The following NR1D1 variants were observed in gnomAD, a reference collection of about 807,000 sequenced individuals.
NR1D1 encodes nuclear receptor subfamily 1 group D member 1.
In NR1D1, 17 loss-of-function variants were observed where a neutral mutation model predicts 51.1. That is an observed-to-expected ratio of 0.33 (90% CI 0.23 to 0.50). The LOEUF (loss-of-function observed/expected upper bound fraction) is 0.50, where lower values mean the gene tolerates loss of function less well. Among genes scored for constraint, NR1D1 ranks in the 20% least tolerant of loss-of-function variants. NR1D1 has a pLI of 0.98. For synonymous variants in NR1D1, 341 were observed against 333.4 expected (o/e 1.02, Z -0.25); for missense variants, 647 against 830.4 (o/e 0.78, Z 2.71).
At chr17:40,094,846 G>A (rs1168321254) in intron 6 of NR1D1, 89 bp downstream of exon 6, 3 of 1,240,664 alleles carry the variant, frequency 2.4e-6, no homozygotes, top group Non-Finnish European at 3.4e-6. Context: ...TGCAGTGAGT[G>A]GAGATCGCAC....
Position 40,092,851 on chromosome 17 carries a change from G to C in NR1D1, c.*232C>G, listed in dbSNP as rs1209094685. 2.1e-6 allele frequency: 2 copies of C among 941,828 alleles called. No homozygotes were observed. Among genetic ancestry groups the C allele is most frequent in the Non-Finnish European group, 3.1e-6 (2 of 646,930 alleles). The allele number at this position is 941,828 out of a possible 1,614,324, so 58.3% of individuals were successfully genotyped here. On this transcript the variant is annotated 3_prime_UTR_variant, in exon 8 of 8. Transcript: ENST00000246672. ...AGAACAAATCAGAGGGCCAGGGGAG[G>C]GTTGTGGGGGAGACAGAGTGGTTTA...
Position 40,095,926 on chromosome 17 carries a change from G to T in NR1D1, c.766C>A (p.Pro256Thr), listed in dbSNP as rs777419132. The change falls in exon 5 of 8, where the codon CCT becomes ACT. Residue 256 changes from proline to threonine, a missense_variant. By Grantham distance (38) the Pro-to-Thr change is conservative. Transcript: ENST00000246672. ...TPGPMGPSPP[P>T]APVPSPLVGF... Reference sequence around the variant, plus strand: ...ACCAGGGGTGAGGGGACCGGAGCAGGGGGTGGCGAGGGGCCCATGGGGCCT... The same window carrying T: ...ACCAGGGGTGAGGGGACCGGAGCAGTGGGTGGCGAGGGGCCCATGGGGCCT... The T allele has an allele frequency of 2.5e-6, 4 of 1,611,174 alleles. No homozygotes were observed. The African/African-American group carries it at 4.0e-5, about 16-fold the overall frequency.
In NR1D1 at chr17:40,097,073, T is replaced by C. The variant is rs756056674; in HGVS notation, c.362A>G (p.Asn121Ser). ...SRVSPSKSTSNITKLNGMVLL... is the reference protein window; with the variant it reads ...SRVSPSKSTSSITKLNGMVLL... ...GCTGGAAAGGTACTCACTGGTGATG[T>C]TGCTGGTGCTCTTGCTGGGGGACAC... The change falls in exon 2 of 8, where the codon AAC becomes AGC. Residue 121 changes from asparagine to serine, a missense_variant. Physicochemically the swap from Asn to Ser is conservative, Grantham distance 46. Transcript: ENST00000246672. 15 of 1,596,642 alleles carry C rather than the reference T, an allele frequency of 9.4e-6. No individual in the cohort carries two copies. The Admixed American group carries it at 2.4e-4, about 26-fold the overall frequency.
rs1451781574 is a variant in NR1D1, at chr17:40,094,110, G to A, written c.1447C>T (p.Arg483Cys). The A allele has an allele frequency of 5.6e-6, 9 of 1,613,780 alleles. No homozygotes were observed. Among genetic ancestry groups the A allele is most frequent in the Non-Finnish European group, 6.8e-6 (8 of 1,180,014 alleles). The change falls in exon 7 of 8, where the codon CGC becomes TGC. Residue 483 changes from arginine (R) to cysteine (C), a missense_variant. Arg to Cys is a radical substitution (Grantham distance 180, BLOSUM62 -3). Transcript: ENST00000246672. ...KAGTFEVLMV[R>C]FASLFNVKDQ... Reference sequence around the variant, plus strand: ...TTCACGTTGAACAACGAAGCAAAGCGCACCATCAGCACCTAGGAGGGAAGG... The same window carrying A: ...TTCACGTTGAACAACGAAGCAAAGCACACCATCAGCACCTAGGAGGGAAGG...
chr17:40,093,385 C>A lies in NR1D1; in HGVS notation c.1646-103G>T, dbSNP rs1453462764. On this transcript the variant is annotated intron_variant, in intron 7 of 7. Coordinates refer to ENST00000246672, the MANE Select transcript of NR1D1 (RefSeq NM_021724.5). This position sits in a 1 kb window ranked among gnomAD's most constrained non-coding sequence, Gnocchi z 5.9. ...CAGGCAATGCAGCCTCTCCCTGAAG[C>A]CCCCCAGAAGGCCGATGGGGAAGGA... The A allele has an allele frequency of 6.2e-7, 1 of 1,608,520 alleles. No homozygotes were observed.
intron 4 of NR1D1, 94 bp from the exon 5 acceptor site, chr17:40,096,181 C>T: frequency 6.6e-7 from 1 of 1,507,012 alleles, no homozygotes; most frequent in South Asian, 1.3e-5. Flanking sequence ...GCCCTGAAGG[C>T]TTGGGGTTTC....
chr17:40,098,582 G>A (rs1417792050), intron 1 of NR1D1, among the ~76,000 whole-genome samples: 1 of 152,172 alleles, frequency 6.6e-6, no homozygotes, highest in Non-Finnish European at 1.5e-5. Context: ...GTGGAAGTGA[G>A]GAGCATACTC....
At position 40,095,608 on chromosome 17, in the gene NR1D1, G is replaced by C. The variant is rs143622936; in HGVS notation, c.1084C>G (p.Pro362Ala). 1.7e-5 allele frequency: 28 copies of C among 1,611,744 alleles called. No homozygotes were observed. The East Asian group carries it at 2.2e-4, about 13-fold the overall frequency. ...NEALNGLRQA[P>A]SSYPPTWPPG... ...GGCCAGGTGGGAGGGTAGGAGGAGG[G>C]AGCCTGGCGCAGACCATTTAGGGCC... Residue 362 changes from proline to alanine, a missense_variant, in exon 5 of 8, where the codon CCC becomes GCC. By Grantham distance (27) the Pro-to-Ala change is conservative. This residue lies in a region of NR1D1 where 185 missense variants were observed against 176.3 expected (regional missense o/e 1.05). Transcript: ENST00000246672.
At chr17:40,097,032 C>G in intron 2 of NR1D1, 33 bp downstream of exon 2, 2 of 1,553,834 alleles carry the variant, frequency 1.3e-6, no homozygotes. Flanking sequence ...TGGCCTGCTT[C>G]CCTTCCCCCG....
At chr17:40,096,172 C>T (rs1987759080) in intron 4 of NR1D1, 85 bp from the exon 5 acceptor site, 1 of 1,529,996 alleles carries the variant, frequency 6.5e-7, no homozygotes, top group Non-Finnish European at 8.8e-7. Context: ...AAGGGCAAGG[C>T]CCTGAAGGCT....
chr17:40,100,021 A>T, intron 1 of NR1D1, 43 bp downstream of exon 1: 1 of 1,436,376 alleles, frequency 7.0e-7, no homozygotes, highest in African/African-American at 1.4e-5. Flanking sequence ...GGAGGTGGGG[A>T]GACAGTGACA....
rs1016193828 is a variant in NR1D1 at position 40,093,810 on chromosome 17, T to C, written c.1645+102A>G. 2.0e-6 allele frequency: 2 copies of C among 1,014,208 alleles called. No individual in the cohort carries two copies. The highest frequency in any genetic ancestry group is 3.0e-6 in the Non-Finnish European group (2 of 670,198). The allele number at this position is 1,014,208 out of a possible 1,614,324, so 62.8% of individuals were successfully genotyped here. A position where few individuals can be genotyped will look rare whatever the true frequency, so the allele number is the denominator to read the frequency against. ...GTCTGAATCATGTCTGTATCCCCAGTGCCCGGTGCAGGGCCTGGCATAGAG... is the reference window on the plus strand; with the variant it reads ...GTCTGAATCATGTCTGTATCCCCAGCGCCCGGTGCAGGGCCTGGCATAGAG... On this transcript the variant is annotated intron_variant, in intron 7 of 7. Coordinates refer to ENST00000246672, the MANE Select transcript of NR1D1 (RefSeq NM_021724.5). The surrounding 1 kb of genome is among the most constrained non-coding windows in gnomAD (Gnocchi z 5.9).
At position 40,100,396 on chromosome 17, in the gene NR1D1, T is replaced by G. The variant is rs200723167; in HGVS notation, c.-302A>C. ...AGCAAGGAGGGTCGGGTCTCTGCAGTGTACGGGGTGCCTCTGCCTGCCGGC... is the reference window on the plus strand; with the variant it reads ...AGCAAGGAGGGTCGGGTCTCTGCAGGGTACGGGGTGCCTCTGCCTGCCGGC... On this transcript the variant is annotated 5_prime_UTR_variant, in exon 1 of 8. Coordinates refer to ENST00000246672, the MANE Select transcript of NR1D1 (RefSeq NM_021724.5). 7.1e-5 allele frequency: 34 copies of G among 481,982 alleles called. No individual in the cohort carries two copies. Among genetic ancestry groups the G allele is most frequent in the Non-Finnish European group, 1.3e-4 (34 of 271,688 alleles). 29.9% of individuals were successfully genotyped at this position (481,982 alleles called of 1,614,324 possible).
At chr17:40,095,345 A>G (rs1987730668) in intron 5 of NR1D1, 99 bp downstream of exon 5, 1 of 1,419,868 alleles carries the variant, frequency 7.0e-7, no homozygotes, top group African/African-American at 1.4e-5. Flanking sequence ...TGCTATCCCC[A>G]CACTCAGCCT....
Position 40,100,247 on chromosome 17 carries a change from G to A in NR1D1, c.-153C>T. ...CCGAAGCACCCTGCAGCAAGGTCTT[G>A]GGGTGGCCGGACTGCAGCCCTGCAG... On this transcript the variant is annotated 5_prime_UTR_variant, in exon 1 of 8. Transcript: ENST00000246672. The A allele has an allele frequency of 1.5e-6, 1 of 689,504 alleles. No individual in the cohort carries two copies. The highest frequency in any genetic ancestry group is 2.6e-5 in the East Asian group (1 of 38,546). 42.7% of individuals were successfully genotyped at this position (689,504 alleles called of 1,614,324 possible).
Position 40,093,822 on chromosome 17 carries a change from G to A in NR1D1, c.1645+90C>T. 1 of 1,180,174 alleles carries A rather than the reference G, an allele frequency of 8.5e-7. No homozygotes were observed. The highest frequency in any genetic ancestry group is 1.2e-6 in the Non-Finnish European group (1 of 807,178). The allele number at this position is 1,180,174 out of a possible 1,614,324, so 73.1% of individuals were successfully genotyped here. On this transcript the variant is annotated intron_variant, in intron 7 of 7. Transcript: ENST00000246672. The surrounding 1 kb of genome is among the most constrained non-coding windows in gnomAD (Gnocchi z 5.9). ...TCTGTATCCCCAGTGCCCGGTGCAG[G>A]GCCTGGCATAGAGTAGGTACTCCAT...
chr17:40,094,651 AC>A (rs1351606068), intron 6 of NR1D1, among the ~76,000 whole-genome samples: 1 of 152,230 alleles, frequency 6.6e-6, no homozygotes, highest in East Asian at 1.9e-4. Context: ...TAATCCCAAT[AC>A]TTTGGGAGTC....
chr17:40,100,159 C>A lies in NR1D1; in HGVS notation c.-65G>T. 7.6e-7 allele frequency: 1 copy of A among 1,312,250 alleles called. No homozygotes were observed. Among genetic ancestry groups the A allele is most frequent in the Non-Finnish European group, 1.1e-6 (1 of 906,056 alleles). The allele number at this position is 1,312,250 out of a possible 1,614,324, so 81.3% of individuals were successfully genotyped here. A position where few individuals can be genotyped will look rare whatever the true frequency, so the allele number is the denominator to read the frequency against. On this transcript the variant is annotated 5_prime_UTR_variant, in exon 1 of 8. Coordinates refer to ENST00000246672, the MANE Select transcript of NR1D1 (RefSeq NM_021724.5). ...GACTCAAACTAGAGGTTGCGATCGCCGCTGTTGCCCCCTGGGCACTGGCTA... is the reference window on the plus strand; with the variant it reads ...GACTCAAACTAGAGGTTGCGATCGCAGCTGTTGCCCCCTGGGCACTGGCTA...
chr17:40,096,840 G>A (rs1268153031), intron 2 of NR1D1, 61 bp from the exon 3 acceptor site: 17 of 1,529,626 alleles, frequency 1.1e-5, no homozygotes, highest in Non-Finnish European at 1.5e-5. Flanking sequence ...CACAGGTGTG[G>A]AGGCTTTCTG....
Sources: allele counts gnomAD v4.1 joint callset (sites outside exome capture counted in the v4.1 genomes callset), GRCh38; gene constraint gnomAD v4.1.1; regional missense constraint gnomAD v4.1.1; non-coding constraint Gnocchi (gnomAD v3.1); transcripts MANE v1.5; gene names NCBI Gene and HGNC (gene_info 2026-07-23, HGNC 2026-07-21).